DLG5: variants seen among roughly 807,000 people sequenced by gnomAD.
DLG5 encodes the protein discs large MAGUK scaffold protein 5, also known as disks large homolog 5.
In DLG5, 48 loss-of-function variants were observed where a neutral mutation model predicts 189.8. That is an observed-to-expected ratio of 0.25 (90% CI 0.20 to 0.32). DLG5 has a LOEUF of 0.32. DLG5 is among the 10% of genes least tolerant of loss of function. The pLI is 1.00. For missense variants in DLG5, 2,160 were observed against 2,544.7 expected, an observed-to-expected ratio of 0.85 and a Z score of 3.25; for synonymous variants, 1,016 against 1,054.1, an observed-to-expected ratio of 0.96 and a Z score of 0.70.
chr10:77,856,886 G>T lies in DLG5; in HGVS notation c.380C>A (p.Thr127Asn). Residue 127 changes from threonine (T) to asparagine (N), a missense_variant, in exon 3 of 32, where the codon ACC becomes AAC. By Grantham distance (65) the Thr-to-Asn change is moderately conservative. Transcript: ENST00000372391. ...GGGTGGTGGGGACGGCGCCTTCCCGGTAGTGCCTGTGGAAGGGGAATAATA... is the reference window on the plus strand; with the variant it reads ...GGGTGGTGGGGACGGCGCCTTCCCGTTAGTGCCTGTGGAAGGGGAATAATA... ...SSSSLSSVGTTGKAPSPPPLL... is the reference protein window; with the variant it reads ...SSSSLSSVGTNGKAPSPPPLL... 6.2e-7 allele frequency: 1 copy of T among 1,610,410 alleles called. No homozygotes were observed. Among genetic ancestry groups the T allele is most frequent in the Non-Finnish European group, 8.5e-7 (1 of 1,178,842 alleles).
chr10:77,916,718 T>A (rs1846368085), intron 1 of DLG5, among the ~76,000 whole-genome samples: 2 of 151,984 alleles, frequency 1.3e-5, no homozygotes, highest in Admixed American at 1.3e-4. Context: ...CTCAAAAAAT[T>A]GAACACAGAA....
chr10:77,866,794 T>C (rs1844701079), intron 2 of DLG5: 1 of 366,562 alleles, frequency 2.7e-6, no homozygotes, highest in African/African-American at 2.1e-5. Context: ...CACAGCCTCA[T>C]ATGGGAGCTC....
chr10:77,816,301 A>T (rs1271972317), intron 20 of DLG5: 8 of 699,994 alleles, frequency 1.1e-5, no homozygotes, highest in African/African-American at 1.7e-5. Flanking sequence ...TGATGGCACG[A>T]TCACCGTCAG....
At chr10:77,845,664 A>G (rs1194222957) in intron 5 of DLG5, among the ~76,000 whole-genome samples, 1 of 150,582 alleles carries the variant, frequency 6.6e-6, no homozygotes, top group East Asian at 2.0e-4. Flanking sequence ...AGAAAGGGAA[A>G]GGAGGGAGGG....
intron 1 of DLG5, among the ~76,000 whole-genome samples, chr10:77,916,538 C>T (rs375333144): frequency 6.6e-6 from 1 of 151,500 alleles, no homozygotes; most frequent in Non-Finnish European, 1.5e-5. Flanking sequence ...ATGATCCACC[C>T]GCCTCAGCCT....
intron 13 of DLG5, among the ~76,000 whole-genome samples, chr10:77,827,297 C>G (rs1842685580): frequency 6.6e-6 from 1 of 152,156 alleles, no homozygotes; most frequent in Admixed American, 6.5e-5. Context: ...GCGATCTCGG[C>G]TCACTGCAAC....
chr10:77,879,449 T>C (rs1216667260), intron 1 of DLG5, among the ~76,000 whole-genome samples: 1 of 151,844 alleles, frequency 6.6e-6, no homozygotes, highest in African/African-American at 2.4e-5. Context: ...AGGAAAGCCA[T>C]GATCTGACTT....
At chr10:77,838,586 G>C (rs998066139) in intron 7 of DLG5, among the ~76,000 whole-genome samples, 9 of 152,220 alleles carry the variant, frequency 5.9e-5, no homozygotes, top group Non-Finnish European at 1.0e-4. Context: ...ACACAGAAGG[G>C]AGAGAGGGCA....
rs1366708095 is a variant in DLG5 at position 77,796,513 on chromosome 10, A to C, written c.5246T>G (p.Leu1749Arg). Residue 1749 changes from leucine to arginine, a missense_variant, in exon 28 of 32, where the codon CTG (leucine) becomes CGG (arginine). By Grantham distance (102) the Leu-to-Arg change is moderately radical (BLOSUM62 -2). Around this residue, in one of 5 missense-constraint regions of DLG5, gnomAD observed 574 missense variants for 644.2 expected, o/e 0.89. Transcript: ENST00000372391. The surrounding 1 kb of genome is among the most constrained non-coding windows in gnomAD (Gnocchi z 5.2). ...CACCAGCATCTCCTTCACCACGTCCAGCAAAGGCCCCAGAATCAGGACAGG... is the reference window on the plus strand; with the variant it reads ...CACCAGCATCTCCTTCACCACGTCCCGCAAAGGCCCCAGAATCAGGACAGG... ...LRPVLILGPL[L>R]DVVKEMLVNE... The C allele has an allele frequency of 2.5e-6, 4 of 1,614,200 alleles. No individual in the cohort carries two copies. The highest frequency in any genetic ancestry group is 1.1e-5 in the South Asian group (1 of 91,088).
chr10:77,866,130 A>G (rs1016248480), intron 2 of DLG5, among the ~76,000 whole-genome samples: 1 of 152,098 alleles, frequency 6.6e-6, no homozygotes, highest in African/African-American at 2.4e-5. Flanking sequence ...TCTGCCTCTC[A>G]TCAGGTGTGG....
chr10:77,869,508 G>A (rs772982401), intron 1 of DLG5: 3 of 387,076 alleles, frequency 7.8e-6, no homozygotes, highest in Non-Finnish European at 1.4e-5. Context: ...ACATGCCCCA[G>A]GTAAACATGG....
chr10:77,870,245 G>T lies in DLG5; in HGVS notation c.305-1048C>A, dbSNP rs867248644. Among the ~76,000 whole-genome samples the T allele has an allele frequency of 3.4e-4, 52 of 152,330 alleles. 1 individual carries two copies. The highest frequency in any genetic ancestry group is 5.6e-4 in the Non-Finnish European group (38 of 68,044). On this transcript the variant is annotated intron_variant, in intron 1 of 31. Coordinates refer to ENST00000372391, the MANE Select transcript of DLG5 (RefSeq NM_004747.4). The stretch of plus-strand genomic sequence containing the variant: ...CAAAAGAACTATACAATGAAGAGCG[G>T]TATGTACCAGGCCAAGTGGGTGAGC...
In DLG5 at chr10:77,903,166, G is replaced by A. The variant is rs187043195; in HGVS notation, c.304+23051C>T. On this transcript the variant is annotated intron_variant, in intron 1 of 31. Coordinates refer to ENST00000372391, the MANE Select transcript of DLG5 (RefSeq NM_004747.4). ...TAAGCAGCCGGGCGCAGCGGCTCAC[G>A]CCTGTAATCCCAGCACTTTGGGAGG... Among the ~76,000 whole-genome samples the A allele has an allele frequency of 1.6e-4, 24 of 152,120 alleles. No homozygotes were observed. In the East Asian group the frequency reaches 3.3e-3, roughly 21 times the overall value.
At chr10:77,911,464 A>G (rs1846218910) in intron 1 of DLG5, among the ~76,000 whole-genome samples, 1 of 152,232 alleles carries the variant, frequency 6.6e-6, no homozygotes, top group South Asian at 2.1e-4. Context: ...ATATGTAAAT[A>G]GAATTAGATT....
intron 15 of DLG5, 101 bp from the exon 16 acceptor site, chr10:77,820,119 G>T: frequency 6.6e-7 from 1 of 1,516,922 alleles, no homozygotes; most frequent in Non-Finnish European, 8.8e-7. Flanking sequence ...GCCGAGGCGG[G>T]CAGATCACCT....
At chr10:77,866,448 A>G (rs1844687139) in intron 2 of DLG5, among the ~76,000 whole-genome samples, 1 of 152,204 alleles carries the variant, frequency 6.6e-6, no homozygotes, top group Non-Finnish European at 1.5e-5. Context: ...ACTGTGGTCA[A>G]TGAAAGGAGG....
chr10:77,856,453 G>GAC (rs58908767), intron 3 of DLG5, among the ~76,000 whole-genome samples: 52,800 of 149,622 alleles, frequency 0.35, 9,424 homozygotes, highest in African/African-American at 0.41. Context: ...CAGTGGTAGG[G>GAC]ACACACACAC....
intron 1 of DLG5, among the ~76,000 whole-genome samples, chr10:77,907,008 C>T (rs777157042): frequency 1.6e-4 from 24 of 152,120 alleles, no homozygotes; most frequent in Admixed American, 9.8e-4. Context: ...CCACTCACCA[C>T]GTGATCTGAC....
chr10:77,827,812 T>C (rs906745497), intron 13 of DLG5, among the ~76,000 whole-genome samples: 2 of 152,212 alleles, frequency 1.3e-5, no homozygotes, highest in African/African-American at 4.8e-5. Context: ...CAAGGTAGGA[T>C]GCGAATTGCA....
Sources: gnomAD v4.1 joint callset for allele counts (sites outside exome capture counted in the v4.1 genomes callset) on GRCh38, gnomAD v4.1.1 for gene constraint, gnomAD v4.1.1 regional missense constraint, Gnocchi (gnomAD v3.1) non-coding constraint, MANE v1.5 for transcripts, NCBI Gene and HGNC (gene_info 2026-07-23, HGNC 2026-07-21) for gene names.